LRMDA: variants seen among roughly 807,000 people sequenced by gnomAD.
LRMDA encodes leucine-rich melanocyte differentiation-associated protein.
LRMDA carries 18 observed loss-of-function variants against 29.8 expected under a neutral mutation model. The ratio of observed to expected loss-of-function variants is 0.60; its 90% CI spans 0.42 to 0.90. The LOEUF (loss-of-function observed/expected upper bound fraction) is 0.90, where lower values mean the gene tolerates loss of function less well. LRMDA is among the 40% of genes least tolerant of loss of function. LRMDA has a pLI of 0.00. For missense variants in LRMDA, 273 were observed against 273.9 expected, an observed-to-expected ratio of 1.00 and a Z score of 0.02; for synonymous variants, 125 against 109.4, an observed-to-expected ratio of 1.14 and a Z score of -0.89.
At chr10:75,525,592 C>CTTTTTTTTTTTTTTTTTTT (rs11415547) in intron 2 of LRMDA, among the ~76,000 whole-genome samples, 5 of 129,718 alleles carry the variant, frequency 3.9e-5, no homozygotes, top group Non-Finnish European at 4.8e-5. Context: ...TTCTTTCTTT[C>CTTTTTTTTTTTTTTTTTTT]TTTTTTTTTT....
chr10:76,440,390 G>T (rs562044983), intron 6 of LRMDA, among the ~76,000 whole-genome samples: 1 of 151,960 alleles, frequency 6.6e-6, no homozygotes, highest in African/African-American at 2.4e-5. Flanking sequence ...AAATATTGAG[G>T]GTATTACTTC....
intron 2 of LRMDA, among the ~76,000 whole-genome samples, chr10:75,641,602 TA>T (rs869163761): frequency 5.9e-5 from 9 of 152,036 alleles, no homozygotes; most frequent in South Asian, 2.1e-4. Flanking sequence ...AGGCTATATT[TA>T]AAAAAAATTT....
At chr10:76,506,729 T>G (rs2579755) in intron 6 of LRMDA, among the ~76,000 whole-genome samples, 103,769 of 151,196 alleles carry the variant, frequency 0.69, 37,093 homozygotes, top group Non-Finnish European at 0.81. Context: ...TACAATATTT[T>G]TCTTTTTGTG....
chr10:75,674,497 T>G (rs1030980679), intron 2 of LRMDA, among the ~76,000 whole-genome samples: 12 of 152,206 alleles, frequency 7.9e-5, no homozygotes, highest in African/African-American at 2.9e-4. Flanking sequence ...TTTTTTTTCC[T>G]TAGAAGAGAA....
intron 5 of LRMDA, among the ~76,000 whole-genome samples, chr10:76,093,404 G>A (rs1849263806): frequency 6.6e-6 from 1 of 151,204 alleles, no homozygotes; most frequent in African/African-American, 2.4e-5. Flanking sequence ...CTCCCACTGT[G>A]AACTCTCCCT....
chr10:75,928,210 G>T (rs1179753566), intron 2 of LRMDA, among the ~76,000 whole-genome samples: 1 of 152,074 alleles, frequency 6.6e-6, no homozygotes, highest in Non-Finnish European at 1.5e-5. Context: ...TAACCCTTTG[G>T]TGGATGCTTT....
chr10:76,084,906 T>C (rs1176833422), intron 5 of LRMDA, among the ~76,000 whole-genome samples: 1 of 152,192 alleles, frequency 6.6e-6, no homozygotes, highest in Non-Finnish European at 1.5e-5. Context: ...CTCAATGTCA[T>C]CTTCATTACA....
intron 6 of LRMDA, among the ~76,000 whole-genome samples, chr10:76,325,546 T>A (rs1313417901): frequency 6.6e-6 from 1 of 152,222 alleles, no homozygotes; most frequent in African/African-American, 2.4e-5. Context: ...GTCTTAAGCA[T>A]ACATCCCTTT....
chr10:75,785,323 G>A (rs963268975), intron 2 of LRMDA, among the ~76,000 whole-genome samples: 1 of 144,278 alleles, frequency 6.9e-6, no homozygotes, highest in African/African-American at 2.6e-5. Context: ...CAAAACTAAT[G>A]GTTCTGTGGA....
chr10:75,641,720 G>A (rs932828075), intron 2 of LRMDA, among the ~76,000 whole-genome samples: 3 of 152,014 alleles, frequency 2.0e-5, no homozygotes, highest in East Asian at 1.9e-4. Flanking sequence ...GATTACAGGT[G>A]TGAGCCAAAA....
At chr10:76,343,546 T>C (rs921328073) in intron 6 of LRMDA, among the ~76,000 whole-genome samples, 1 of 152,178 alleles carries the variant, frequency 6.6e-6, no homozygotes, top group African/African-American at 2.4e-5. Context: ...AAAAAGGCTT[T>C]GGCCAAAAAT....
chr10:75,743,751 A>G (rs1451179670), intron 2 of LRMDA: 1 of 152,228 alleles, frequency 6.6e-6, no homozygotes, highest in East Asian at 1.9e-4. Flanking sequence ...CTGAGCAAGC[A>G]TGGCGATGGT....
chr10:76,518,280 C>CATCTATCTATCTGTCT, intron 6 of LRMDA, among the ~76,000 whole-genome samples: 1 of 146,676 alleles, frequency 6.8e-6, no homozygotes, highest in East Asian at 2.0e-4. Context: ...ATTTATCTAT[C>CATCTATCTATCTGTCT]ATCTATCTAT....
intron 2 of LRMDA, among the ~76,000 whole-genome samples, chr10:75,697,334 T>TA (rs1168831296): frequency 6.6e-6 from 1 of 151,450 alleles, no homozygotes; most frequent in African/African-American, 2.4e-5. Context: ...TTTTTTTTTT[T>TA]AAAGTAGTTC....
At chr10:76,244,997 C>G (rs562747866) in intron 5 of LRMDA, among the ~76,000 whole-genome samples, 1 of 152,296 alleles carries the variant, frequency 6.6e-6, no homozygotes, top group African/African-American at 2.4e-5. Flanking sequence ...GCTTCAACTT[C>G]ACAGTGAGGT....
intron 2 of LRMDA, among the ~76,000 whole-genome samples, chr10:75,832,804 A>C (rs1376268710): frequency 6.6e-6 from 1 of 152,228 alleles, no homozygotes; most frequent in Non-Finnish European, 1.5e-5. Flanking sequence ...GCTTGTGCAG[A>C]GAAACTTCTG....
At chr10:75,725,201 C>T (rs1488995684) in intron 2 of LRMDA, among the ~76,000 whole-genome samples, 6 of 152,126 alleles carry the variant, frequency 3.9e-5, no homozygotes, top group African/African-American at 1.4e-4. Context: ...ATCCAATCCC[C>T]TTTTTTCCCA....
At chr10:76,442,513 G>C (rs553221845) in intron 6 of LRMDA, among the ~76,000 whole-genome samples, 1 of 152,236 alleles carries the variant, frequency 6.6e-6, no homozygotes, top group East Asian at 1.9e-4. Flanking sequence ...CACATAGTGA[G>C]ACCCTGTCTC....
chr10:76,214,281 T>C (rs1851686468), intron 5 of LRMDA, among the ~76,000 whole-genome samples: 1 of 151,904 alleles, frequency 6.6e-6, no homozygotes, highest in South Asian at 2.1e-4. Context: ...CCATATCCCT[T>C]CTAACTCCAA....
Sources: gnomAD v4.1 joint callset for allele counts (sites outside exome capture counted in the v4.1 genomes callset) on GRCh38, gnomAD v4.1.1 for gene constraint, MANE v1.5 for transcripts, NCBI Gene and HGNC (gene_info 2026-07-23, HGNC 2026-07-21) for gene names.